Variants in PAX2 observed in about 807,000 individuals in gnomAD.
The protein encoded by PAX2 is paired box protein Pax-2.
PAX2 carries 9 observed loss-of-function variants against 41.7 expected under a neutral mutation model. The ratio of observed to expected loss-of-function variants is 0.22; its 90% confidence interval spans 0.13 to 0.38. The LOEUF (loss-of-function observed/expected upper bound fraction) is 0.38. PAX2 is among the 10% of genes least tolerant of loss of function. The pLI, the probability that PAX2 is intolerant of heterozygous loss-of-function variation, is 1.00. For missense variants in PAX2, 418 were observed against 531.6 expected, an observed-to-expected ratio of 0.79 and a Z score of 2.10; for synonymous variants, 221 against 212.7, an observed-to-expected ratio of 1.04 and a Z score of -0.34.
chr10:100,826,700 G>T lies in PAX2; in HGVS notation c.1022-309G>T, dbSNP rs1325315582. On this transcript the variant is annotated intron_variant, in intron 8 of 9. Transcript: ENST00000355243. This position sits in a 1 kb window ranked among gnomAD's most constrained non-coding sequence, Gnocchi z 5.5. ...GCCCCCAGCGCGACAGGGTGGACGCGCCCCAATACAAACCCTTCGTGGGTG... is the reference window on the plus strand; with the variant it reads ...GCCCCCAGCGCGACAGGGTGGACGCTCCCCAATACAAACCCTTCGTGGGTG... 6.6e-6 allele frequency among the ~76,000 whole-genome samples: 1 copy of T among 152,200 alleles called. No individual in the cohort carries two copies. Among genetic ancestry groups the T allele is most frequent in the African/African-American group, 2.4e-5 (1 of 41,462 alleles).
chr10:100,818,170 G>A (rs1241664634), intron 7 of PAX2, among the ~76,000 whole-genome samples: 1 of 152,220 alleles, frequency 6.6e-6, no homozygotes, highest in East Asian at 1.9e-4. Flanking sequence ...CCTCCGCAGT[G>A]TCAAGTGGGT....
At chr10:100,792,690 T>A (rs1053888055) in intron 5 of PAX2, among the ~76,000 whole-genome samples, 5 of 152,152 alleles carry the variant, frequency 3.3e-5, no homozygotes, top group African/African-American at 4.8e-5. Flanking sequence ...TGGCCAAGGA[T>A]GGCGTTGGTC....
chr10:100,773,480 T>C (rs1251221510), intron 3 of PAX2, among the ~76,000 whole-genome samples: 1 of 152,196 alleles, frequency 6.6e-6, no homozygotes, highest in Non-Finnish European at 1.5e-5. Flanking sequence ...TGCAATATAA[T>C]ATCATACATA....
intron 6 of PAX2, among the ~76,000 whole-genome samples, chr10:100,808,704 G>GC (rs1847885038): frequency 6.6e-6 from 1 of 152,116 alleles, no homozygotes; most frequent in African/African-American, 2.4e-5. Flanking sequence ...CAGGCTGAAG[G>GC]CCCCACTAGG....
chr10:100,825,688 G>A (rs1848527667), intron 8 of PAX2, among the ~76,000 whole-genome samples: 1 of 152,154 alleles, frequency 6.6e-6, no homozygotes, highest in South Asian at 2.1e-4. Context: ...AGAAGAGAGT[G>A]GTTGGCCCCA....
chr10:100,814,879 A>G (rs1197458020), intron 7 of PAX2, among the ~76,000 whole-genome samples: 2 of 152,230 alleles, frequency 1.3e-5, no homozygotes, highest in Admixed American at 1.3e-4. Context: ...AAGAGGGAGC[A>G]GAAGAGGCTG....
In PAX2 at chr10:100,828,568, G is replaced by C. The variant is rs1310152694; in HGVS notation, c.*949G>C. On this transcript the variant is annotated 3_prime_UTR_variant, in exon 10 of 10. Transcript: ENST00000355243. The surrounding 1 kb of genome is among the most constrained non-coding windows in gnomAD (Gnocchi z 6.5). ...CATCGGACGCTCTCCCGGGACCGCC[G>C]CAGGACCAGTTTCCATAGACTGCGG... 1 of 233,182 alleles carries C rather than the reference G, an allele frequency of 4.3e-6. No individual in the cohort carries two copies. The highest frequency in any genetic ancestry group is 2.2e-5 in the African/African-American group (1 of 45,284). 14.4% of individuals were successfully genotyped at this position (233,182 alleles called of 1,614,324 possible). A position where few individuals can be genotyped will look rare whatever the true frequency, so the allele number is the denominator to read the frequency against.
rs182793156 is a variant in PAX2 at position 100,735,946 on chromosome 10, C to T, written c.25+213C>T. Among the ~76,000 whole-genome samples the T allele has an allele frequency of 2.3e-4, 35 of 152,352 alleles. No individual in the cohort carries two copies. The Middle Eastern group carries it at 0.01, about 44-fold the overall frequency. ...CTAAACCTTCTGAAAACTTTCCACT[C>T]AGAAAATGTGAGTTCTACAACTTCG... On this transcript the variant is annotated intron_variant, in intron 1 of 9. Coordinates refer to the PAX2 transcript ENST00000679374.
chr10:100,777,689 C>A, intron 3 of PAX2, among the ~76,000 whole-genome samples: 1 of 152,228 alleles, frequency 6.6e-6, no homozygotes. Flanking sequence ...GCCACTGCAC[C>A]CAGCCAGTAG....
chr10:100,782,648 C>A (rs1846677999), intron 5 of PAX2, among the ~76,000 whole-genome samples: 1 of 152,288 alleles, frequency 6.6e-6, no homozygotes, highest in African/African-American at 2.4e-5. Context: ...CCCTAATGGC[C>A]TCGTTTCACA....
intron 6 of PAX2, among the ~76,000 whole-genome samples, chr10:100,808,333 A>G (rs1025332092): frequency 2.6e-5 from 4 of 151,912 alleles, no homozygotes; most frequent in Non-Finnish European, 4.4e-5. Context: ...GGGAGGGGGT[A>G]CTCTAGGGGG....
rs751859767 is a variant in PAX2 at position 100,827,584 on chromosome 10, C to G, written c.1150C>G (p.Pro384Ala). Residue 384 changes from proline to alanine, a missense_variant, in exon 10 of 10, where the codon CCT becomes GCT. Coordinates refer to ENST00000355243, the MANE Select transcript of PAX2 (RefSeq NM_000278.5). This position sits in a 1 kb window ranked among gnomAD's most constrained non-coding sequence, Gnocchi z 8.5. Reference protein sequence around the residue: ...YYSAAPRGSAPAAAAAAYDRH With the variant: ...YYSAAPRGSAAAAAAAAYDRH ...TAGTGCCGCCCCCCGGGGCTCCGCCCCTGCCGCTGCTGCCGCTGCCTATGA... is the reference window on the plus strand; with the variant it reads ...TAGTGCCGCCCCCCGGGGCTCCGCCGCTGCCGCTGCTGCCGCTGCCTATGA... 5 of 1,613,980 alleles carry G rather than the reference C, an allele frequency of 3.1e-6. No homozygotes were observed. In the Admixed American group the frequency reaches 8.3e-5, roughly 27 times the overall value.
intron 6 of PAX2, 99 bp downstream of exon 6, chr10:100,806,704 T>A: frequency 9.9e-7 from 1 of 1,007,584 alleles, no homozygotes; most frequent in Non-Finnish European, 1.6e-6. Context: ...TAGCCAGCAT[T>A]GTATGTGTTA....
At position 100,818,623 on chromosome 10, in the gene PAX2, AC is replaced by A. The variant is rs547057089; in HGVS notation, c.920-6021del. Among the ~76,000 whole-genome samples, 25 of 152,292 alleles carry A rather than the reference AC, an allele frequency of 1.6e-4. No homozygotes were observed. The South Asian group carries it at 5.2e-3, about 32-fold the overall frequency. On this transcript the variant is annotated intron_variant, in intron 7 of 9. Transcript: ENST00000355243. ...ACATTTTATGTATAGATTTATATAG[AC>A]CCCTTGAAGTGATCTATGGGTTCTT...
intron 5 of PAX2, among the ~76,000 whole-genome samples, chr10:100,801,591 C>T (rs1847566066): frequency 1.3e-5 from 2 of 152,224 alleles, no homozygotes; most frequent in Admixed American, 1.3e-4. Flanking sequence ...CACTGCCCAC[C>T]CCTGCTAGTT....
chr10:100,813,703 A>G (rs919202990), intron 7 of PAX2, among the ~76,000 whole-genome samples: 2 of 152,258 alleles, frequency 1.3e-5, no homozygotes, highest in African/African-American at 4.8e-5. Flanking sequence ...ATGCCAGATC[A>G]GAGTCCAAAT....
At chr10:100,786,754 GGT>G (rs1017929331) in intron 5 of PAX2, among the ~76,000 whole-genome samples, 27 of 152,278 alleles carry the variant, frequency 1.8e-4, no homozygotes, top group African/African-American at 6.5e-4. Context: ...TGCCTCCAGG[GGT>G]GGCCTAGGGC....
chr10:100,818,974 G>A (rs964446136), intron 7 of PAX2, among the ~76,000 whole-genome samples: 61 of 152,296 alleles, frequency 4.0e-4, no homozygotes, highest in African/African-American at 1.4e-3. Flanking sequence ...AAGGCCGGGC[G>A]TCGTGGCTCA....
In PAX2 at chr10:100,750,926, C is replaced by G; in HGVS notation, c.410+35C>G. The G allele has an allele frequency of 1.9e-6, 3 of 1,538,466 alleles. No individual in the cohort carries two copies. The highest frequency in any genetic ancestry group is 2.2e-5 in the East Asian group (1 of 44,520). On this transcript the variant is annotated intron_variant, in intron 3 of 9. Coordinates refer to ENST00000355243, the MANE Select transcript of PAX2 (RefSeq NM_000278.5). The surrounding 1 kb of genome is among the most constrained non-coding windows in gnomAD (Gnocchi z 4.1). ...CCACCCGGGTTTTCAGGGCTGGACT[C>G]CAGCTCCTGGCTCCTGCCTGCAGGG...
Sources: gnomAD v4.1 joint callset for allele counts (sites outside exome capture counted in the v4.1 genomes callset) on GRCh38, gnomAD v4.1.1 for gene constraint, Gnocchi (gnomAD v3.1) non-coding constraint, MANE v1.5 for transcripts, NCBI Gene and HGNC (gene_info 2026-07-23, HGNC 2026-07-21) for gene names.